ME3: variants seen among roughly 807,000 people sequenced by gnomAD.
The protein encoded by ME3 is malic enzyme 3.
ME3 carries 48 observed loss-of-function variants against 68.9 expected under a neutral mutation model. That is an observed-to-expected ratio of 0.70 (90% CI 0.55 to 0.89). The LOEUF (loss-of-function observed/expected upper bound fraction) is 0.89. ME3 is among the 40% of genes least tolerant of loss of function. The pLI, the probability that ME3 is intolerant of heterozygous loss-of-function variation, is 0.00. For missense variants in ME3, 675 were observed against 797.4 expected, an observed-to-expected ratio of 0.85 and a Z score of 1.85; for synonymous variants, 320 against 318.8, an observed-to-expected ratio of 1.00 and a Z score of -0.04.
intron 2 of ME3, among the ~76,000 whole-genome samples, chr11:86,647,080 C>T (rs191084882): frequency 3.5e-3 from 531 of 152,292 alleles, no homozygotes; most frequent in Non-Finnish European, 6.4e-3. Context: ...AAAACTGGTA[C>T]CAGCCACTGC....
Position 86,556,430 on chromosome 11 carries a change from T to A in ME3, c.467+123A>T. 3.3e-6 allele frequency: 4 copies of A among 1,196,910 alleles called. No individual in the cohort carries two copies. In the South Asian group the frequency reaches 7.0e-5, roughly 21 times the overall value. 74.1% of individuals were successfully genotyped at this position (1,196,910 alleles called of 1,614,324 possible). A position where few individuals can be genotyped will look rare whatever the true frequency, so the allele number is the denominator to read the frequency against. On this transcript the variant is annotated intron_variant, in intron 4 of 14. Transcript: ENST00000543262. ...CAAGTGCTTGAAATCAAATGTCTTTTTGTTGGACCACTGACCCAATCAGAG... is the reference window on the plus strand; with the variant it reads ...CAAGTGCTTGAAATCAAATGTCTTTATGTTGGACCACTGACCCAATCAGAG...
At chr11:86,656,866 A>G (rs2135466355) in intron 2 of ME3, among the ~76,000 whole-genome samples, 1 of 152,228 alleles carries the variant, frequency 6.6e-6, no homozygotes, top group Non-Finnish European at 1.5e-5. Context: ...TGAAAAAAAA[A>G]AAGCTCATGA....
intron 2 of ME3, among the ~76,000 whole-genome samples, chr11:86,591,866 C>A (rs1363972421): frequency 6.6e-6 from 1 of 152,064 alleles, no homozygotes; most frequent in Non-Finnish European, 1.5e-5. Flanking sequence ...CCCACCGAGT[C>A]TCTCCCACAA....
intron 4 of ME3, among the ~76,000 whole-genome samples, chr11:86,526,645 G>T (rs1334589967): frequency 6.6e-6 from 1 of 152,202 alleles, no homozygotes; most frequent in African/African-American, 2.4e-5. Context: ...ACCTCACATG[G>T]CTGGGTACCC....
chr11:86,446,225 G>T, intron 13 of ME3, 89 bp downstream of exon 13: 1 of 1,452,888 alleles, frequency 6.9e-7, no homozygotes, highest in Non-Finnish European at 9.4e-7. Flanking sequence ...GGGCAGATGG[G>T]CAGAAGAGAT....
chr11:86,578,869 T>TA lies in ME3; in HGVS notation c.184-19047dup, dbSNP rs532441278. ...GTAGTTCTGAAACTTTGCTACTCAT[T>TA]AGAACCACTGCCCTATGTGGTAGGC... On this transcript the variant is annotated intron_variant, in intron 2 of 14. Coordinates refer to ENST00000543262, the Ensembl canonical transcript of ME3. 4.6e-5 allele frequency among the ~76,000 whole-genome samples: 7 copies of TA among 152,296 alleles called. No homozygotes were observed. The East Asian group carries it at 5.8e-4, about 13-fold the overall frequency.
chr11:86,442,810 A>T lies in ME3; in HGVS notation c.1653+11T>A, dbSNP rs1297604037. 3.8e-6 allele frequency: 6 copies of T among 1,596,658 alleles called. No homozygotes were observed. The highest frequency in any genetic ancestry group is 5.2e-6 in the Non-Finnish European group (6 of 1,164,472). On this transcript the variant is annotated intron_variant, in intron 14 of 14. Coordinates refer to ENST00000543262, the Ensembl canonical transcript of ME3. ...TCACTACCCATATTACAGGGGTAGG[A>T]TGCCCCTTACTTTGATGGCAATTCT...
chr11:86,487,560 A>C, intron 6 of ME3, 120 bp from the exon 7 acceptor site: 1 of 731,100 alleles, frequency 1.4e-6, no homozygotes, highest in Non-Finnish European at 2.3e-6. Flanking sequence ...GGGGAGTAAG[A>C]AGGTAACTGG....
intron 2 of ME3, among the ~76,000 whole-genome samples, chr11:86,619,745 C>T (rs1003804177): frequency 6.6e-6 from 1 of 152,194 alleles, no homozygotes; most frequent in Non-Finnish European, 1.5e-5. Flanking sequence ...ATTACCTCGT[C>T]TGGGGTATGT....
intron 4 of ME3, among the ~76,000 whole-genome samples, chr11:86,525,473 T>G (rs1772075388): frequency 6.6e-6 from 1 of 151,590 alleles, no homozygotes; most frequent in Admixed American, 6.6e-5. Flanking sequence ...GTAAATGAAT[T>G]AATTCTCCTA....
intron 2 of ME3, among the ~76,000 whole-genome samples, chr11:86,561,809 T>A (rs1957251381): frequency 6.6e-6 from 1 of 152,184 alleles, no homozygotes; most frequent in South Asian, 2.1e-4. Flanking sequence ...GTTACTCAAG[T>A]CAAAACTTTT....
chr11:86,436,872 A>G (rs1188852899), downstream of ME3: 2 of 152,168 alleles, frequency 1.3e-5, no homozygotes, highest in African/African-American at 4.8e-5. Flanking sequence ...CATAAAGGTA[A>G]AAACTTATTT....
intron 7 of ME3, among the ~76,000 whole-genome samples, chr11:86,469,363 G>C (rs1950657919): frequency 6.6e-6 from 1 of 152,128 alleles, no homozygotes; most frequent in African/African-American, 2.4e-5. Context: ...AATATGGGGG[G>C]TGAGTGTCTT....
chr11:86,521,431 A>AAAAATAATAATAATAATAAT (rs1271326906), intron 4 of ME3, among the ~76,000 whole-genome samples: 2 of 145,924 alleles, frequency 1.4e-5, no homozygotes, highest in Non-Finnish European at 3.0e-5. Flanking sequence ...AACAAAACAA[A>AAAAATAATAATAATAATAAT]AATAATAATA....
intron 2 of ME3, among the ~76,000 whole-genome samples, chr11:86,589,040 A>G (rs899115609): frequency 5.3e-5 from 8 of 152,256 alleles, no homozygotes; most frequent in African/African-American, 1.9e-4. Flanking sequence ...TTAATAGAAA[A>G]GCTTCCTCTT....
chr11:86,487,547 AG>A, intron 6 of ME3, 107 bp from the exon 7 acceptor site: 2 of 849,544 alleles, frequency 2.4e-6, no homozygotes, highest in Non-Finnish European at 1.9e-6. Context: ...GTGGGAGGAG[AG>A]GGGGGAGTAA....
chr11:86,581,493 C>T (rs1594536046), intron 2 of ME3, among the ~76,000 whole-genome samples: 1 of 152,122 alleles, frequency 6.6e-6, no homozygotes. Context: ...AAGTGTGCAA[C>T]AGAGTGCCTG....
intron 6 of ME3, among the ~76,000 whole-genome samples, chr11:86,488,115 G>GGCTGCAGTGAGCCATGATTGTGCC (rs1440185584): frequency 1.3e-5 from 2 of 152,206 alleles, no homozygotes; most frequent in African/African-American, 4.8e-5. Context: ...GGGAGGCCAA[G>GGCTGCAGTGAGCCATGATTGTGCC]GCTGCAGTGA....
At chr11:86,547,527 T>C (rs1956438530) in intron 4 of ME3, among the ~76,000 whole-genome samples, 1 of 152,096 alleles carries the variant, frequency 6.6e-6, no homozygotes, top group South Asian at 2.1e-4. Context: ...AAATACCTTA[T>C]GTAGATGACG....
Sources: gnomAD v4.1 joint callset for allele counts (sites outside exome capture counted in the v4.1 genomes callset) on GRCh38, gnomAD v4.1.1 for gene constraint, MANE v1.5 for transcripts, NCBI Gene and HGNC (gene_info 2026-07-23, HGNC 2026-07-21) for gene names.